The following MYO10 variants were observed in gnomAD, a reference collection of about 807,000 sequenced individuals.
MYO10 encodes the protein unconventional myosin-X.
A neutral mutation model predicts 257.3 loss-of-function variants in MYO10; 133 were observed. The observed-to-expected ratio is 0.52, with a 90% CI of 0.45 to 0.60. MYO10 has a LOEUF of 0.60. MYO10 is among the 20% of genes least tolerant of loss of function. The probability of loss-of-function intolerance (pLI) is 0.00; values close to 1 mark genes in which losing one functional copy is unlikely to be tolerated. For missense variants in MYO10, 2,399 were observed against 2,635.7 expected (o/e 0.91, Z 1.97); for synonymous variants, 1,104 against 1,028.6 (o/e 1.07, Z -1.40).
chr5:16,915,518 A>G (rs1466118367), intron 1 of MYO10, among the ~76,000 whole-genome samples: 1 of 152,194 alleles, frequency 6.6e-6, no homozygotes, highest in African/African-American at 2.4e-5. Context: ...TGGTCTCAGT[A>G]ATGGCAGGGG....
intron 19 of MYO10, among the ~76,000 whole-genome samples, chr5:16,718,522 A>G (rs890334519): frequency 6.6e-6 from 1 of 152,016 alleles, no homozygotes; most frequent in Non-Finnish European, 1.5e-5. Flanking sequence ...ACCAATCGAC[A>G]CTCTGTATCT....
chr5:16,879,032 A>G (rs1744689389), intron 1 of MYO10, among the ~76,000 whole-genome samples: 1 of 152,180 alleles, frequency 6.6e-6, no homozygotes, highest in Admixed American at 6.5e-5. Flanking sequence ...ACGTTTACCC[A>G]TATGATGGAA....
chr5:16,901,544 C>T (rs936020971), intron 1 of MYO10, among the ~76,000 whole-genome samples: 1 of 152,170 alleles, frequency 6.6e-6, no homozygotes, highest in African/African-American at 2.4e-5. Flanking sequence ...CCTTTCGCGT[C>T]CAACTCACTT....
intron 3 of MYO10, among the ~76,000 whole-genome samples, chr5:16,797,306 C>T (rs253365): frequency 0.53 from 80,861 of 151,982 alleles, 21,723 homozygotes; most frequent in South Asian, 0.66. Flanking sequence ...AATGCAGATA[C>T]TTCTAAATCA....
At chr5:16,742,326 T>G (rs1407684518) in intron 19 of MYO10, 2 of 813,796 alleles carry the variant, frequency 2.5e-6, no homozygotes, top group Non-Finnish European at 1.5e-6. Context: ...AAGTGACCAC[T>G]GAGGGCTTTA....
intron 18 of MYO10, among the ~76,000 whole-genome samples, chr5:16,756,496 C>A (rs1414237594): frequency 6.6e-6 from 1 of 152,184 alleles, no homozygotes; most frequent in East Asian, 1.9e-4. Flanking sequence ...TTTTTCTTCT[C>A]ATAATCTTGT....
At chr5:16,715,945 A>G (rs1304837978) in intron 19 of MYO10, among the ~76,000 whole-genome samples, 1 of 151,986 alleles carries the variant, frequency 6.6e-6, no homozygotes, top group African/African-American at 2.4e-5. Flanking sequence ...AGTCCCAGCT[A>G]CTTGGGAAGT....
chr5:16,832,521 T>G lies in MYO10; in HGVS notation c.121-14354A>C, dbSNP rs996121554. Among the ~76,000 whole-genome samples the G allele has an allele frequency of 5.9e-5, 9 of 152,292 alleles. No individual in the cohort carries two copies. The East Asian group carries it at 7.7e-4, about 13-fold the overall frequency. On this transcript the variant is annotated intron_variant, in intron 2 of 40. Coordinates refer to ENST00000513610, the MANE Select transcript of MYO10 (RefSeq NM_012334.3). ...CCTCTGGTTTTAAACATAGTAAGTT[T>G]CAGTCTAGAGAAATTCAAGAGGCAT...
At chr5:16,771,443 C>T (rs976919615) in intron 9 of MYO10, among the ~76,000 whole-genome samples, 2 of 151,328 alleles carry the variant, frequency 1.3e-5, no homozygotes, top group African/African-American at 2.4e-5. Flanking sequence ...GAGAGAAAAA[C>T]CAACAACAAA....
Position 16,889,874 on chromosome 5 carries a change from T to C in MYO10, c.22-12167A>G, listed in dbSNP as rs559417328. Among the ~76,000 whole-genome samples, 38 of 151,900 alleles carry C rather than the reference T, an allele frequency of 2.5e-4. No individual in the cohort carries two copies. The South Asian group carries it at 5.0e-3, about 20-fold the overall frequency. ...TTCCCAGTTTATTGTCCTTTCCTCC[T>C]CTTGATAAGAATCATTTTTGTGGGG... is the stretch of plus-strand genomic sequence containing the variant. On this transcript the variant is annotated intron_variant, in intron 1 of 40. Transcript: ENST00000513610.
intron 2 of MYO10, among the ~76,000 whole-genome samples, chr5:16,836,925 A>G (rs1169146460): frequency 1.3e-5 from 2 of 152,214 alleles, no homozygotes; most frequent in African/African-American, 4.8e-5. Flanking sequence ...CCTATTAGCC[A>G]AAAGTGGAAA....
At chr5:16,825,803 C>A (rs1742982460) in intron 2 of MYO10, among the ~76,000 whole-genome samples, 1 of 152,134 alleles carries the variant, frequency 6.6e-6, no homozygotes, top group African/African-American at 2.4e-5. Context: ...TTGCTGAGAT[C>A]ACGTCATTGC....
At chr5:16,929,392 C>T (rs1746236110) in intron 1 of MYO10, among the ~76,000 whole-genome samples, 2 of 152,166 alleles carry the variant, frequency 1.3e-5, no homozygotes, top group Admixed American at 6.5e-5. Flanking sequence ...ACTTTTAGGG[C>T]ATTTCATCAG....
rs756851739 is a variant in MYO10 at position 16,681,335 on chromosome 5, G to T, written c.4358C>A (p.Pro1453Gln). 3 of 1,612,376 alleles carry T rather than the reference G, an allele frequency of 1.9e-6. No individual in the cohort carries two copies. The highest frequency in any genetic ancestry group is 1.1e-5 in the South Asian group (1 of 90,700). ...TGTCTCTTTGAATATCTTCTCATCT[G>T]GGGGGACGACAGAGCAGAGGCTGTT... ...VLNSLCSVVPPDEKIFKETGY... is the reference protein window; with the variant it reads ...VLNSLCSVVPQDEKIFKETGY... The change falls in exon 32 of 41, where the codon CCA becomes CAA. Residue 1453 changes from proline to glutamine, a missense_variant. Physicochemically the swap from Pro to Gln is moderately conservative, Grantham distance 76. Around this residue, in one of 3 missense-constraint regions of MYO10, gnomAD observed 1,820 missense variants for 1,939.4 expected, o/e 0.94. Transcript: ENST00000513610.
chr5:16,912,640 G>C (rs1216061984), intron 1 of MYO10, among the ~76,000 whole-genome samples: 1 of 151,964 alleles, frequency 6.6e-6, no homozygotes, highest in Non-Finnish European at 1.5e-5. Flanking sequence ...TATGTTTTTA[G>C]GCCAGCGTTG....
At chr5:16,909,517 A>C (rs984165347) in intron 1 of MYO10, among the ~76,000 whole-genome samples, 1 of 151,934 alleles carries the variant, frequency 6.6e-6, no homozygotes, top group African/African-American at 2.4e-5. Flanking sequence ...AAAAAAAAAA[A>C]AAAAAACCAT....
At chr5:16,734,983 C>T (rs1469707299) in intron 19 of MYO10, among the ~76,000 whole-genome samples, 1 of 152,106 alleles carries the variant, frequency 6.6e-6, no homozygotes, top group South Asian at 2.1e-4. Context: ...GGCTTCTGTA[C>T]TCCCTTCCCT....
At chr5:16,743,335 T>C (rs938946316) in intron 19 of MYO10, among the ~76,000 whole-genome samples, 8 of 151,910 alleles carry the variant, frequency 5.3e-5, no homozygotes, top group African/African-American at 1.7e-4. Context: ...ACCAGTTCTA[T>C]AGTGAGCAAC....
intron 4 of MYO10, among the ~76,000 whole-genome samples, chr5:16,788,069 C>T (rs1741643115): frequency 6.6e-6 from 1 of 152,206 alleles, no homozygotes; most frequent in Non-Finnish European, 1.5e-5. Flanking sequence ...GCTGGCATTA[C>T]AGGCATGAGC....
Sources: allele counts gnomAD v4.1 joint callset (sites outside exome capture counted in the v4.1 genomes callset), GRCh38; gene constraint gnomAD v4.1.1; regional missense constraint gnomAD v4.1.1; transcripts MANE v1.5; gene names NCBI Gene and HGNC (gene_info 2026-07-23, HGNC 2026-07-21).